Variants in SKAP2 observed in about 807,000 individuals in gnomAD.
SKAP2 encodes the protein src kinase associated phosphoprotein 2, also known as src kinase-associated phosphoprotein 2.
A neutral mutation model predicts 54.9 loss-of-function variants in SKAP2; 28 were observed. The observed-to-expected ratio is 0.51, with a 90% CI of 0.38 to 0.70. The LOEUF (loss-of-function observed/expected upper bound fraction) is 0.70, where lower values mean the gene tolerates loss of function less well. SKAP2 is among the 30% of genes least tolerant of loss of function. The probability of loss-of-function intolerance (pLI) is 0.00; values close to 1 mark genes in which losing one functional copy is unlikely to be tolerated. For missense variants in SKAP2, 356 were observed against 424.1 expected, an observed-to-expected ratio of 0.84 and a Z score of 1.41; for synonymous variants, 137 against 134.3, an observed-to-expected ratio of 1.02 and a Z score of -0.14.
chr7:26,711,275 TTTAA>T (rs1787297161), intron 9 of SKAP2, among the ~76,000 whole-genome samples: 4 of 152,256 alleles, frequency 2.6e-5, no homozygotes, highest in Middle Eastern at 6.8e-3. Flanking sequence ...GCATATGTCT[TTTAA>T]TTGTTTTTTT....
At chr7:26,704,666 C>T (rs1787118732) in intron 9 of SKAP2, among the ~76,000 whole-genome samples, 1 of 152,036 alleles carries the variant, frequency 6.6e-6, no homozygotes, top group African/African-American at 2.4e-5. Context: ...TGTGCTAGAA[C>T]TAGTATATTT....
At chr7:26,677,995 C>T (rs757812317) in intron 11 of SKAP2, among the ~76,000 whole-genome samples, 4 of 152,120 alleles carry the variant, frequency 2.6e-5, no homozygotes, top group African/African-American at 4.8e-5. Flanking sequence ...CCCACTTAAC[C>T]GTAGCAAAGT....
chr7:26,659,908 G>C, the SKAP2 span, among the ~76,000 whole-genome samples: 1 of 152,080 alleles, frequency 6.6e-6, no homozygotes. Context: ...TACCTAATGT[G>C]TAAATGGTAA....
intron 3 of SKAP2, among the ~76,000 whole-genome samples, chr7:26,853,741 T>G (rs879606876): frequency 1.7e-4 from 26 of 152,174 alleles, no homozygotes; most frequent in African/African-American, 5.5e-4. Context: ...CCACAGGACC[T>G]TCTCCCACCA....
chr7:26,751,422 T>G (rs760018275), intron 4 of SKAP2, among the ~76,000 whole-genome samples: 2 of 152,202 alleles, frequency 1.3e-5, no homozygotes. Context: ...ATTACTAAAT[T>G]GAGCTTGATT....
intron 4 of SKAP2, among the ~76,000 whole-genome samples, chr7:26,834,523 A>G (rs1784665732): frequency 6.6e-6 from 1 of 152,216 alleles, no homozygotes; most frequent in Non-Finnish European, 1.5e-5. Context: ...ATCACAACTG[A>G]TCCCACAGAA....
At chr7:26,776,878 A>C (rs972637855) in intron 4 of SKAP2, among the ~76,000 whole-genome samples, 2 of 152,112 alleles carry the variant, frequency 1.3e-5, no homozygotes, top group African/African-American at 4.8e-5. Flanking sequence ...TTCAAAATCT[A>C]TCTCTTGTCT....
rs1554310202 is a variant in SKAP2 at position 26,864,417 on chromosome 7, T to TG, written c.12dup (p.Ser5GlnfsTer11). On this transcript the variant is annotated frameshift_variant, in exon 1 of 13. Transcript: ENST00000345317. LOFTEE classifies it high-confidence loss of function. ...AGGGGGTAGGGAGAGGAGGTGCTGC[T>TG]GGGGTTGGGCATGTTAGGGAGCGCA... 1.2e-6 allele frequency: 2 copies of TG among 1,609,798 alleles called. No individual in the cohort carries two copies. Among genetic ancestry groups the TG allele is most frequent in the Non-Finnish European group, 1.7e-6 (2 of 1,177,934 alleles).
intron 4 of SKAP2, among the ~76,000 whole-genome samples, chr7:26,810,898 TC>T (rs1347702806): frequency 3.9e-5 from 6 of 152,146 alleles, no homozygotes; most frequent in African/African-American, 1.4e-4. Flanking sequence ...CACAAGATGG[TC>T]TCGATCTCTT....
intron 4 of SKAP2, among the ~76,000 whole-genome samples, chr7:26,759,489 C>CT (rs1241837647): frequency 1.3e-5 from 2 of 152,126 alleles, no homozygotes; most frequent in Non-Finnish European, 1.5e-5. Flanking sequence ...ATCCCAGCCT[C>CT]TTACAATGCT....
At chr7:26,811,717 A>T (rs1196176039) in intron 4 of SKAP2, among the ~76,000 whole-genome samples, 2 of 152,226 alleles carry the variant, frequency 1.3e-5, no homozygotes, top group African/African-American at 4.8e-5. Context: ...TCCCAAAATA[A>T]GAAACTGTTA....
At chr7:26,732,717 G>A (rs1448808941) in intron 6 of SKAP2, among the ~76,000 whole-genome samples, 6 of 152,164 alleles carry the variant, frequency 3.9e-5, no homozygotes. Flanking sequence ...CAGCTCCTCA[G>A]TTAAAGATAT....
chr7:26,657,302 T>G, the SKAP2 span, among the ~76,000 whole-genome samples: 1 of 152,232 alleles, frequency 6.6e-6, no homozygotes, highest in Non-Finnish European at 1.5e-5. Context: ...ACTGCTCCCC[T>G]GCAGGAGGAC....
chr7:26,655,124 G>A, the SKAP2 span, among the ~76,000 whole-genome samples: 1 of 152,198 alleles, frequency 6.6e-6, no homozygotes, highest in Non-Finnish European at 1.5e-5. Context: ...CAGGTAAGAA[G>A]GAACTCTTAC....
intron 4 of SKAP2, among the ~76,000 whole-genome samples, chr7:26,824,189 G>A (rs577179096): frequency 3.4e-4 from 51 of 152,232 alleles, no homozygotes; most frequent in African/African-American, 1.2e-3. Context: ...ACATTGAGAC[G>A]AGACCCTCGA....
intron 4 of SKAP2, among the ~76,000 whole-genome samples, chr7:26,764,669 T>C (rs989936254): frequency 2.0e-5 from 3 of 152,158 alleles, no homozygotes; most frequent in Non-Finnish European, 4.4e-5. Context: ...TAGGTATCCA[T>C]GTGCCATGGT....
At chr7:26,795,884 G>A (rs575725586) in intron 4 of SKAP2, among the ~76,000 whole-genome samples, 1 of 152,258 alleles carries the variant, frequency 6.6e-6, no homozygotes, top group African/African-American at 2.4e-5. Context: ...AATTACAGTG[G>A]ACCCCTGAAC....
chr7:26,864,465 C>A lies in SKAP2; in HGVS notation c.-36G>T. The A allele has an allele frequency of 1.9e-6, 3 of 1,571,936 alleles. No homozygotes were observed. Among genetic ancestry groups the A allele is most frequent in the South Asian group, 1.2e-5 (1 of 86,084 alleles). On this transcript the variant is annotated 5_prime_UTR_variant, in exon 1 of 13. Coordinates refer to ENST00000345317, the MANE Select transcript of SKAP2 (RefSeq NM_003930.5). The stretch of plus-strand genomic sequence containing the variant: ...GCAGGGCGTGCGGGGAAAGGACCTG[C>A]GCTGAAAAGGTGACCGACGGGGTGG...
chr7:26,783,186 T>C (rs922441511), intron 4 of SKAP2, among the ~76,000 whole-genome samples: 1 of 152,196 alleles, frequency 6.6e-6, no homozygotes, highest in African/African-American at 2.4e-5. Context: ...TCATTCCCCA[T>C]GAATTTGCCT....
Sources: allele counts gnomAD v4.1 joint callset (sites outside exome capture counted in the v4.1 genomes callset), GRCh38; gene constraint gnomAD v4.1.1; transcripts MANE v1.5; gene names NCBI Gene and HGNC (gene_info 2026-07-23, HGNC 2026-07-21).